The following DLG2 variants were observed in gnomAD, a reference collection of about 807,000 sequenced individuals.
DLG2 encodes the protein disks large homolog 2.
Under a neutral mutation model 132.5 loss-of-function variants are expected in DLG2, and 45 were observed. The ratio of observed to expected loss-of-function variants is 0.34; its 90% CI spans 0.27 to 0.44. DLG2 has a LOEUF of 0.44. Among genes scored for constraint, DLG2 ranks in the 20% least tolerant of loss-of-function variants. The pLI, the probability that DLG2 is intolerant of heterozygous loss-of-function variation, is 1.00. For missense variants in DLG2, 1,045 were observed against 1,196.9 expected, an observed-to-expected ratio of 0.87 and a Z score of 1.87; for synonymous variants, 424 against 419.6, an observed-to-expected ratio of 1.01 and a Z score of -0.13.
At position 83,461,783 on chromosome 11, in the gene DLG2, G is replaced by T. The variant is rs1180481695; in HGVS notation, c.2821+219C>A. 6.3e-5 allele frequency: 32 copies of T among 510,816 alleles called. No homozygotes were observed. The East Asian group carries it at 8.8e-4, about 14-fold the overall frequency. 31.6% of individuals were successfully genotyped at this position (510,816 alleles called of 1,614,324 possible). A position where few individuals can be genotyped will look rare whatever the true frequency, so the allele number is the denominator to read the frequency against. On this transcript the variant is annotated intron_variant, in intron 27 of 27. Coordinates refer to ENST00000376104, the MANE Select transcript of DLG2 (RefSeq NM_001142699.3). Reference sequence around the variant, plus strand: ...CCATGGTTTTGGGTAGGGCTGGTGGGAACCTGGGAGCTGGCTGCAGCTGAA... The same window carrying T: ...CCATGGTTTTGGGTAGGGCTGGTGGTAACCTGGGAGCTGGCTGCAGCTGAA...
intron 6 of DLG2, among the ~76,000 whole-genome samples, chr11:84,575,577 T>C (rs1424648874): frequency 6.6e-6 from 1 of 152,200 alleles, no homozygotes; most frequent in Non-Finnish European, 1.5e-5. Flanking sequence ...TATATATATT[T>C]ATGGGGTACA....
intron 11 of DLG2, among the ~76,000 whole-genome samples, chr11:84,034,061 A>G (rs1825331): frequency 0.017 from 2,556 of 152,208 alleles, 26 homozygotes; most frequent in Non-Finnish European, 0.025. Context: ...AGCCCGGGCA[A>G]CAAGAGCGAA....
chr11:83,821,338 T>G (rs1461566854), intron 17 of DLG2, among the ~76,000 whole-genome samples: 2 of 152,164 alleles, frequency 1.3e-5, no homozygotes, highest in African/African-American at 4.8e-5. Flanking sequence ...TTGCATGTGG[T>G]GGAGTGAATG....
intron 3 of DLG2, among the ~76,000 whole-genome samples, chr11:85,322,469 T>C (rs1015546279): frequency 6.6e-6 from 1 of 152,164 alleles, no homozygotes; most frequent in Admixed American, 6.5e-5. Flanking sequence ...TGCATTATTA[T>C]AAATTAGTGA....
rs192068179 is a variant in DLG2, at chr11:84,274,951, T to C, written c.520-23660A>G. Among the ~76,000 whole-genome samples the C allele has an allele frequency of 3.3e-5, 5 of 152,322 alleles. No homozygotes were observed. In the East Asian group the frequency reaches 5.8e-4, roughly 18 times the overall value. On this transcript the variant is annotated intron_variant, in intron 7 of 27. Coordinates refer to ENST00000376104, the MANE Select transcript of DLG2 (RefSeq NM_001142699.3). ...CAGCCACATGCTTCTTCTCCATGCATTGTCGACCAGCCAGCCCACAACTTT... is the reference window on the plus strand; with the variant it reads ...CAGCCACATGCTTCTTCTCCATGCACTGTCGACCAGCCAGCCCACAACTTT...
rs1016173619 is a variant in DLG2 at position 84,192,987 on chromosome 11, T to TA, written c.574-29477dup. Among the ~76,000 whole-genome samples the TA allele has an allele frequency of 9.9e-5, 15 of 152,086 alleles. 1 individual carries two copies. Among genetic ancestry groups the TA allele is most frequent in the South Asian group, 4.2e-4 (2 of 4,818 alleles). On this transcript the variant is annotated intron_variant, in intron 8 of 27. Coordinates refer to ENST00000376104, the MANE Select transcript of DLG2 (RefSeq NM_001142699.3). ...TCTATTGAAATGCCTGCTTTAAAAT[T>TA]AAAAAAAATTAGTGAATTTTATATT...
intron 6 of DLG2, among the ~76,000 whole-genome samples, chr11:84,560,111 A>T (rs918277479): frequency 1.3e-5 from 2 of 152,110 alleles, no homozygotes; most frequent in Non-Finnish European, 2.9e-5. Context: ...ATTCTTTTAT[A>T]TAATACTAGC....
At chr11:84,472,507 C>T (rs1245968090) in intron 7 of DLG2, among the ~76,000 whole-genome samples, 1 of 151,862 alleles carries the variant, frequency 6.6e-6, no homozygotes, top group Non-Finnish European at 1.5e-5. Context: ...CCAGCCAAAA[C>T]AGGGTAATTT....
chr11:83,861,153 G>A (rs115007247), intron 16 of DLG2, among the ~76,000 whole-genome samples: 48 of 152,294 alleles, frequency 3.2e-4, no homozygotes, highest in African/African-American at 1.1e-3. Flanking sequence ...GAGCATCAGA[G>A]AAGTGCAAAT....
At chr11:84,554,473 G>A (rs1192634438) in intron 6 of DLG2, among the ~76,000 whole-genome samples, 1 of 152,156 alleles carries the variant, frequency 6.6e-6, no homozygotes, top group Non-Finnish European at 1.5e-5. Flanking sequence ...TGGGCCGGGT[G>A]CGGTAGCTCA....
chr11:83,649,459 G>C (rs1329674724), intron 18 of DLG2, among the ~76,000 whole-genome samples: 4 of 152,140 alleles, frequency 2.6e-5, no homozygotes, highest in Admixed American at 1.3e-4. Context: ...AACCAGTGAA[G>C]TGAGGAAATT....
intron 4 of DLG2, among the ~76,000 whole-genome samples, chr11:85,269,786 G>A (rs1489446126): frequency 1.3e-5 from 2 of 152,078 alleles, no homozygotes; most frequent in African/African-American, 4.8e-5. Context: ...TATTGTCCAG[G>A]AACATAATCT....
intron 3 of DLG2, among the ~76,000 whole-genome samples, chr11:85,352,376 A>AT (rs1306294835): frequency 3.3e-5 from 5 of 152,004 alleles, no homozygotes; most frequent in Admixed American, 6.6e-5. Flanking sequence ...GGATTCACTG[A>AT]TTTTTTGAAG....
chr11:84,877,512 C>CTTTTTTTTTTTTTTT (rs60339036), intron 6 of DLG2, among the ~76,000 whole-genome samples: 4 of 57,452 alleles, frequency 7.0e-5, no homozygotes, highest in African/African-American at 1.5e-4. Context: ...GCAACCCCTG[C>CTTTTTTTTTTTTTTT]TTTTTTTTTT....
intron 7 of DLG2, among the ~76,000 whole-genome samples, chr11:84,420,650 C>CTTTTTTTTTTTT (rs768420271): frequency 0.025 from 1,071 of 42,236 alleles, 464 homozygotes; most frequent in Non-Finnish European, 0.041. Flanking sequence ...TGCTTGTTTT[C>CTTTTTTTTTTTT]TTTTTTTTTT....
chr11:84,611,259 T>C (rs2099595108), intron 6 of DLG2, among the ~76,000 whole-genome samples: 2 of 152,136 alleles, frequency 1.3e-5, no homozygotes, highest in South Asian at 4.1e-4. Context: ...ATTTATTTTA[T>C]TGTATGAATA....
At chr11:84,121,308 T>C (rs948926613) in intron 9 of DLG2, among the ~76,000 whole-genome samples, 4 of 152,178 alleles carry the variant, frequency 2.6e-5, no homozygotes. Context: ...TCCCATCTTG[T>C]TCATAATACG....
rs1351920296 is a variant in DLG2, at chr11:84,775,628, G to A, written c.358-240897C>T. Among the ~76,000 whole-genome samples, 4 of 152,228 alleles carry A rather than the reference G, an allele frequency of 2.6e-5. No homozygotes were observed. The East Asian group carries it at 7.7e-4, about 29-fold the overall frequency. ...TCATGTTCTTTGCAGCAACATGGAT[G>A]CAGCTGAAGGTCATAATTTTAGACA... On this transcript the variant is annotated intron_variant, in intron 6 of 27. Coordinates refer to ENST00000376104, the MANE Select transcript of DLG2 (RefSeq NM_001142699.3).
intron 10 of DLG2, among the ~76,000 whole-genome samples, chr11:84,089,599 C>T (rs2097055227): frequency 6.6e-6 from 1 of 152,214 alleles, no homozygotes; most frequent in African/African-American, 2.4e-5. Flanking sequence ...ACAGTCAAAC[C>T]TCAGTATAAT....
Sources: gnomAD v4.1 joint callset for allele counts (sites outside exome capture counted in the v4.1 genomes callset) on GRCh38, gnomAD v4.1.1 for gene constraint, MANE v1.5 for transcripts, NCBI Gene and HGNC (gene_info 2026-07-23, HGNC 2026-07-21) for gene names.